RARRES1: variants seen among roughly 807,000 people sequenced by gnomAD.
RARRES1 encodes the protein retinoic acid receptor responder protein 1.
In RARRES1, 34 loss-of-function variants were observed where a neutral mutation model predicts 30.6. The observed-to-expected ratio is 1.11, with a 90% CI of 0.84 to 1.48. The LOEUF (loss-of-function observed/expected upper bound fraction) is 1.48. RARRES1 is among the 40% of genes most tolerant of loss of function. The pLI, the probability that RARRES1 is intolerant of heterozygous loss-of-function variation, is 0.00. For synonymous variants in RARRES1, 153 were observed against 155.5 expected (o/e 0.98, Z 0.12); for missense variants, 373 against 386.5 (o/e 0.97, Z 0.29).
chr3:158,709,160 T>C (rs73156499), intron 3 of RARRES1, among the ~76,000 whole-genome samples: 1 of 152,316 alleles, frequency 6.6e-6, no homozygotes, highest in Non-Finnish European at 1.5e-5. Context: ...TCACAGTAGC[T>C]ACATTAAGTT....
chr3:158,708,909 G>A (rs1727021936), intron 3 of RARRES1, among the ~76,000 whole-genome samples: 1 of 151,990 alleles, frequency 6.6e-6, no homozygotes, highest in Non-Finnish European at 1.5e-5. Context: ...CGCCCGCCTC[G>A]GCCTCCCAAA....
chr3:158,717,898 C>A (rs1461777305), intron 1 of RARRES1, among the ~76,000 whole-genome samples: 1 of 152,148 alleles, frequency 6.6e-6, no homozygotes, highest in Non-Finnish European at 1.5e-5. Context: ...AACCACCAAA[C>A]CCCAAGTCCT....
At chr3:158,710,258 A>T in intron 3 of RARRES1, among the ~76,000 whole-genome samples, 1 of 144,276 alleles carries the variant, frequency 6.9e-6, no homozygotes, top group African/African-American at 2.6e-5. Context: ...TCCAGGCTGG[A>T]GTGCAGTGGC....
intron 1 of RARRES1, among the ~76,000 whole-genome samples, chr3:158,719,590 ATT>A (rs1341885237): frequency 1.3e-5 from 2 of 151,892 alleles, no homozygotes; most frequent in East Asian, 3.9e-4. Flanking sequence ...TTGTGTGTTT[ATT>A]TTATAGATGA....
At chr3:158,709,769 G>A (rs750958361) in intron 3 of RARRES1, among the ~76,000 whole-genome samples, 2 of 152,180 alleles carry the variant, frequency 1.3e-5, no homozygotes, top group Admixed American at 6.5e-5. Context: ...GATGACTTTC[G>A]TGGTTTTGAA....
chr3:158,704,311 C>A (rs1576809544), intron 4 of RARRES1, among the ~76,000 whole-genome samples: 2 of 138,162 alleles, frequency 1.4e-5, no homozygotes, highest in South Asian at 4.9e-4. Flanking sequence ...TAGCTTATTA[C>A]AACCTCCAAC....
intron 1 of RARRES1, among the ~76,000 whole-genome samples, chr3:158,731,388 C>T (rs571834579): frequency 1.3e-5 from 2 of 152,288 alleles, no homozygotes; most frequent in African/African-American, 2.4e-5. Flanking sequence ...TAGTGTAGTT[C>T]TGTAACTTTT....
chr3:158,699,256 G>A (rs147288972), intron 4 of RARRES1, among the ~76,000 whole-genome samples: 1 of 152,222 alleles, frequency 6.6e-6, no homozygotes, highest in East Asian at 1.9e-4. Context: ...AAGGGAAACA[G>A]TACCTTAAAG....
At position 158,697,614 on chromosome 3, in the gene RARRES1, A is replaced by G. The variant is rs1329497544; in HGVS notation, c.*64T>C. On this transcript the variant is annotated 3_prime_UTR_variant, in exon 6 of 6. Coordinates refer to ENST00000237696, the MANE Select transcript of RARRES1 (RefSeq NM_206963.2). ...ATGTCTATACCTTAGCTGTTTTACT[A>G]GAAGAATGATTTATGCTAGTATAGT... 2 of 1,018,928 alleles carry G rather than the reference A, an allele frequency of 2.0e-6. No individual in the cohort carries two copies. Among genetic ancestry groups the G allele is most frequent in the Non-Finnish European group, 2.7e-6 (2 of 754,068 alleles). The allele number at this position is 1,018,928 out of a possible 1,614,324, so 63.1% of individuals were successfully genotyped here.
At chr3:158,714,638 A>G (rs542534741) in intron 1 of RARRES1, among the ~76,000 whole-genome samples, 12 of 152,382 alleles carry the variant, frequency 7.9e-5, no homozygotes, top group African/African-American at 1.9e-4. Context: ...ATTGATTTCA[A>G]TGCATATTTT....
intron 2 of RARRES1, among the ~76,000 whole-genome samples, chr3:158,712,160 A>G (rs371930215): frequency 9.9e-5 from 15 of 151,982 alleles, no homozygotes; most frequent in African/African-American, 3.6e-4. Context: ...CCCAAATCCA[A>G]CTCTCGTTGG....
rs1727589610 is a variant in RARRES1 at position 158,723,817 on chromosome 3, C to CA, written c.276+8322dup. ...AGGTCTCCTTTTCTCCTGCTGGGAG[C>CA]AATGGGAATGGGCTGGGTCCTGGCC... On this transcript the variant is annotated intron_variant, in intron 1 of 5. Coordinates refer to ENST00000237696, the MANE Select transcript of RARRES1 (RefSeq NM_206963.2). The surrounding 1 kb of genome is among the most constrained non-coding windows in gnomAD (Gnocchi z 4.4). Among the ~76,000 whole-genome samples the CA allele has an allele frequency of 6.6e-6, 1 of 152,178 alleles. No homozygotes were observed. Among genetic ancestry groups the CA allele is most frequent in the African/African-American group, 2.4e-5 (1 of 41,440 alleles).
chr3:158,718,146 T>G (rs1258403512), intron 1 of RARRES1, among the ~76,000 whole-genome samples: 1 of 152,004 alleles, frequency 6.6e-6, no homozygotes, highest in Non-Finnish European at 1.5e-5. Context: ...GCCCAGCTAA[T>G]TTTTTGTATT....
At chr3:158,699,042 CAGTT>C (rs1726639617) in intron 4 of RARRES1, among the ~76,000 whole-genome samples, 1 of 150,404 alleles carries the variant, frequency 6.6e-6, no homozygotes, top group African/African-American at 2.4e-5. Flanking sequence ...TTTACAACCT[CAGTT>C]AGGCCCATGA....
At chr3:158,724,204 C>T (rs375731817) in intron 1 of RARRES1, among the ~76,000 whole-genome samples, 1 of 152,086 alleles carries the variant, frequency 6.6e-6, no homozygotes. Context: ...CGGCATATGT[C>T]GGGCAGAATG....
intron 1 of RARRES1, among the ~76,000 whole-genome samples, chr3:158,731,616 C>T (rs1727890444): frequency 6.6e-6 from 1 of 152,208 alleles, no homozygotes; most frequent in Admixed American, 6.5e-5. Context: ...ATTCCAACCA[C>T]ATTACCCCGA....
At position 158,707,516 on chromosome 3, in the gene RARRES1, G is replaced by A. The variant is rs186860531; in HGVS notation, c.536-2589C>T. Among the ~76,000 whole-genome samples, 372 of 152,214 alleles carry A rather than the reference G, an allele frequency of 2.4e-3. 1 individual carries two copies. Among genetic ancestry groups the A allele is most frequent in the African/African-American group, 8.4e-3 (350 of 41,560 alleles). On this transcript the variant is annotated intron_variant, in intron 3 of 5. Coordinates refer to ENST00000237696, the MANE Select transcript of RARRES1 (RefSeq NM_206963.2). ...ATAAACTAGAACCAAGGGTATAAAAGGAGTCTTAGAATTAAAGAGAGGGTT... is the reference window on the plus strand; with the variant it reads ...ATAAACTAGAACCAAGGGTATAAAAAGAGTCTTAGAATTAAAGAGAGGGTT...
At chr3:158,722,649 G>A (rs1323868134) in intron 1 of RARRES1, among the ~76,000 whole-genome samples, 5 of 152,046 alleles carry the variant, frequency 3.3e-5, no homozygotes, top group Non-Finnish European at 5.9e-5. Flanking sequence ...TTGGGAGGCC[G>A]AAGTGGGCGG....
Position 158,713,909 on chromosome 3 carries a change from C to T in RARRES1, c.277-50G>A, listed in dbSNP as rs757956463. 8.0e-6 allele frequency: 12 copies of T among 1,500,032 alleles called. No individual in the cohort carries two copies. The Admixed American group carries it at 1.0e-4, about 13-fold the overall frequency. 92.9% of individuals were successfully genotyped at this position (1,500,032 alleles called of 1,614,324 possible). A position where few individuals can be genotyped will look rare whatever the true frequency, so the allele number is the denominator to read the frequency against. ...GTATAGTAGAAGCTCCCTTAAACATCCTCATATCCAGGAATCACACTCTTA... is the reference window on the plus strand; with the variant it reads ...GTATAGTAGAAGCTCCCTTAAACATTCTCATATCCAGGAATCACACTCTTA... On this transcript the variant is annotated intron_variant, in intron 1 of 5. Coordinates refer to ENST00000237696, the MANE Select transcript of RARRES1 (RefSeq NM_206963.2).
Sources: gnomAD v4.1 joint callset for allele counts (sites outside exome capture counted in the v4.1 genomes callset) on GRCh38, gnomAD v4.1.1 for gene constraint, Gnocchi (gnomAD v3.1) non-coding constraint, MANE v1.5 for transcripts, NCBI Gene and HGNC (gene_info 2026-07-23, HGNC 2026-07-21) for gene names.